The following ANXA11 variants were observed in gnomAD, a reference collection of about 807,000 sequenced individuals.
The protein encoded by ANXA11 is 56 kDa autoantigen.
In ANXA11, 57 loss-of-function variants were observed where a neutral mutation model predicts 64.7. The observed-to-expected ratio is 0.88, with a 90% CI of 0.71 to 1.10. The LOEUF is 1.10. Ranked by LOEUF, ANXA11 falls within the 50% of genes least tolerant of loss-of-function variation. The probability of loss-of-function intolerance (pLI) is 0.00; values close to 1 mark genes in which losing one functional copy is unlikely to be tolerated. For missense variants in ANXA11, 675 were observed against 670.7 expected, an observed-to-expected ratio of 1.01 and a Z score of -0.07; for synonymous variants, 260 against 265.2, an observed-to-expected ratio of 0.98 and a Z score of 0.19.
chr10:80,188,511 A>ATATATATATATATATATATATAT (rs1554834982), intron 1 of ANXA11, among the ~76,000 whole-genome samples: 2 of 126,542 alleles, frequency 1.6e-5, no homozygotes, highest in African/African-American at 3.0e-5. Flanking sequence ...ATATATATAT[A>ATATATATATATATATATATATAT]GCACTACAAC....
chr10:80,196,815 G>A (rs1183496512), intron 1 of ANXA11, among the ~76,000 whole-genome samples: 6 of 152,164 alleles, frequency 3.9e-5, no homozygotes, highest in Admixed American at 1.3e-4. Flanking sequence ...TAGCTGTAGC[G>A]TATGTTAATC....
intron 1 of ANXA11, among the ~76,000 whole-genome samples, chr10:80,192,595 T>G (rs74557660): frequency 0.011 from 1,694 of 152,216 alleles, 41 homozygotes; most frequent in African/African-American, 0.038. Flanking sequence ...AAGCAATCAT[T>G]GTGAAATTTG....
chr10:80,157,545 C>T, intron 15 of ANXA11, 96 bp downstream of exon 15: 2 of 1,543,422 alleles, frequency 1.3e-6, no homozygotes, highest in Non-Finnish European at 1.7e-6. Context: ...CCACACACAG[C>T]ACAGAGGCCA....
intron 15 of ANXA11, 21 bp downstream of exon 15, chr10:80,157,620 T>A (rs1227889071): frequency 1.9e-6 from 3 of 1,606,220 alleles, no homozygotes; most frequent in Non-Finnish European, 8.5e-7. Context: ...GGAGCCCAGT[T>A]GGCCTGCAGC....
chr10:80,172,092 C>T (rs61860034), intron 3 of ANXA11, among the ~76,000 whole-genome samples: 10,149 of 152,272 alleles, frequency 0.067, 553 homozygotes, highest in South Asian at 0.2. Flanking sequence ...AGAGGGGCAG[C>T]GGCTCAGGCA....
chr10:80,193,103 A>G (rs995512168), intron 1 of ANXA11, among the ~76,000 whole-genome samples: 3 of 152,226 alleles, frequency 2.0e-5, no homozygotes, highest in Non-Finnish European at 2.9e-5. Flanking sequence ...ACAGAAAATC[A>G]GGCCCCCAAG....
At chr10:80,160,648 G>A (rs985052067) in intron 12 of ANXA11, among the ~76,000 whole-genome samples, 12 of 152,082 alleles carry the variant, frequency 7.9e-5, no homozygotes, top group Middle Eastern at 3.4e-3. Context: ...TCCTCACACC[G>A]GTGGGCTCCC....
chr10:80,156,609 G>A (rs1757706720), intron 15 of ANXA11: 2 of 361,338 alleles, frequency 5.5e-6, no homozygotes, highest in Admixed American at 7.0e-5. Flanking sequence ...TGTCTCCCGG[G>A]TTCAAGCAAT....
chr10:80,154,103 A>ATTT lies in ANXA11; in HGVS notation c.*1747_*1749dup, dbSNP rs11392466. The ATTT allele has an allele frequency of 2.0e-3, 287 of 144,312 alleles. 2 individuals carry two copies. The highest frequency in any genetic ancestry group is 6.4e-3 in the African/African-American group (250 of 39,018). 8.9% of individuals were successfully genotyped at this position (144,312 alleles called of 1,614,324 possible). Reference sequence around the variant, plus strand: ...GGGAATGCACTACAATGCCAGGTAAATTTTTTTTTTTTTTTGAGACAGAGT... The same window carrying ATTT: ...GGGAATGCACTACAATGCCAGGTAAATTTTTTTTTTTTTTTTTTGAGACAGAGT... On this transcript the variant is annotated 3_prime_UTR_variant, in exon 16 of 16. Transcript: ENST00000422982.
intron 2 of ANXA11, among the ~76,000 whole-genome samples, chr10:80,175,365 C>A (rs1344433669): frequency 1.3e-5 from 2 of 152,080 alleles, no homozygotes; most frequent in East Asian, 1.9e-4. Flanking sequence ...CTAGGCAGGA[C>A]CTTTGAGCAC....
chr10:80,156,810 C>T (rs12768613), intron 15 of ANXA11, among the ~76,000 whole-genome samples: 20,320 of 152,190 alleles, frequency 0.13, 1,535 homozygotes, highest in South Asian at 0.24. Flanking sequence ...AGCCTAGAAT[C>T]ACTAATTCTC....
At chr10:80,165,148 C>T (rs889825577) in intron 8 of ANXA11, among the ~76,000 whole-genome samples, 8 of 152,210 alleles carry the variant, frequency 5.3e-5, no homozygotes, top group Non-Finnish European at 1.0e-4. Context: ...GCCTGATGGC[C>T]TCCTGACCCC....
chr10:80,177,452 C>T (rs931121787), intron 1 of ANXA11, among the ~76,000 whole-genome samples: 1 of 152,134 alleles, frequency 6.6e-6, no homozygotes, highest in African/African-American at 2.4e-5. Context: ...AAATTTCTCC[C>T]CTGGGTTCTG....
chr10:80,169,385 G>A, intron 4 of ANXA11, 27 bp from the exon 5 acceptor site: 1 of 1,599,876 alleles, frequency 6.3e-7, no homozygotes, highest in Non-Finnish European at 8.5e-7. Flanking sequence ...CAGAGCCTGA[G>A]GCCAATGGGC....
chr10:80,170,966 G>A, intron 3 of ANXA11, 51 bp from the exon 4 acceptor site: 1 of 1,549,386 alleles, frequency 6.5e-7, no homozygotes, highest in Non-Finnish European at 8.7e-7. Context: ...CCACCACACG[G>A]GGAAAGGCAG....
rs1025308282 is a variant in ANXA11 at position 80,161,535 on chromosome 10, C to T, written c.1180+400G>A. Reference sequence around the variant, plus strand: ...CCACCGTGGCCCCACACCTGCTCCACCACCTGACAGACTGACCCATGCGGG... The same window carrying T: ...CCACCGTGGCCCCACACCTGCTCCATCACCTGACAGACTGACCCATGCGGG... On this transcript the variant is annotated intron_variant, in intron 12 of 15. Coordinates refer to ENST00000422982, the MANE Select transcript of ANXA11 (RefSeq NM_145868.2). Among the ~76,000 whole-genome samples, 11 of 152,384 alleles carry T rather than the reference C, an allele frequency of 7.2e-5. No homozygotes were observed. The South Asian group carries it at 2.3e-3, about 32-fold the overall frequency.
At chr10:80,174,706 C>T (rs1846104651) in intron 2 of ANXA11, among the ~76,000 whole-genome samples, 1 of 151,984 alleles carries the variant, frequency 6.6e-6, no homozygotes, top group African/African-American at 2.4e-5. Context: ...AACAGGAGGG[C>T]GCAACCATCC....
At chr10:80,191,310 C>T (rs913617535) in intron 1 of ANXA11, among the ~76,000 whole-genome samples, 3 of 152,152 alleles carry the variant, frequency 2.0e-5, no homozygotes, top group African/African-American at 4.8e-5. Context: ...ATTGCTTAAA[C>T]CCAGGAGCTA....
chr10:80,165,389 G>A (rs889143874), intron 8 of ANXA11, among the ~76,000 whole-genome samples: 7 of 152,206 alleles, frequency 4.6e-5, no homozygotes, highest in African/African-American at 1.7e-4. Flanking sequence ...TGCACAGAAT[G>A]GACAGGACCC....
Sources: allele counts gnomAD v4.1 joint callset (sites outside exome capture counted in the v4.1 genomes callset), GRCh38; gene constraint gnomAD v4.1.1; transcripts MANE v1.5; gene names NCBI Gene and HGNC (gene_info 2026-07-23, HGNC 2026-07-21).